RANBP9: variants seen among roughly 807,000 people sequenced by gnomAD.
RANBP9 encodes the protein ran-binding protein 9.
A neutral mutation model predicts 84.3 loss-of-function variants in RANBP9; 15 were observed. That is an observed-to-expected ratio of 0.18 (90% confidence interval 0.12 to 0.27). The LOEUF is 0.27. Ranked by LOEUF, RANBP9 falls within the 10% of genes least tolerant of loss-of-function variation. The pLI is 1.00. For missense variants in RANBP9, 809 were observed against 912.8 expected (o/e 0.89, Z 1.46); for synonymous variants, 392 against 349.6 (o/e 1.12, Z -1.35).
At chr6:13,709,041 C>T (rs1345918685) in intron 1 of RANBP9, among the ~76,000 whole-genome samples, 1 of 152,160 alleles carries the variant, frequency 6.6e-6, no homozygotes, top group East Asian at 1.9e-4. Flanking sequence ...TAGTATTACA[C>T]AACAGAAAGT....
rs543545603 is a variant in RANBP9 at position 13,683,474 on chromosome 6, A to G, written c.683+13311T>C. Among the ~76,000 whole-genome samples the G allele has an allele frequency of 2.6e-5, 4 of 152,292 alleles. No individual in the cohort carries two copies. The South Asian group carries it at 8.3e-4, about 32-fold the overall frequency. ...TCTTCCTGAATTTTCAATTAAATTT[A>G]TATTAAAGTGAAAGTATAAGAACTG... On this transcript the variant is annotated intron_variant, in intron 2 of 13. Coordinates refer to ENST00000011619, the MANE Select transcript of RANBP9 (RefSeq NM_005493.3).
intron 10 of RANBP9, among the ~76,000 whole-genome samples, chr6:13,637,166 CACTG>C (rs1178483357): frequency 6.6e-6 from 1 of 152,138 alleles, no homozygotes; most frequent in Non-Finnish European, 1.5e-5. Context: ...GGTCATAGTA[CACTG>C]ACTGAGATAT....
At chr6:13,688,470 C>T (rs533650895) in intron 2 of RANBP9, among the ~76,000 whole-genome samples, 2 of 152,226 alleles carry the variant, frequency 1.3e-5, no homozygotes, top group South Asian at 2.1e-4. Flanking sequence ...GTTTATATGT[C>T]TACTACTGTG....
At chr6:13,663,895 G>T (rs1354877460) in intron 2 of RANBP9, among the ~76,000 whole-genome samples, 2 of 151,966 alleles carry the variant, frequency 1.3e-5, no homozygotes, top group South Asian at 2.1e-4. Flanking sequence ...TCCTCAACCT[G>T]TACCTACAAA....
At chr6:13,690,987 T>G (rs908511221) in intron 2 of RANBP9, among the ~76,000 whole-genome samples, 14 of 151,976 alleles carry the variant, frequency 9.2e-5, no homozygotes, top group African/African-American at 3.4e-4. Context: ...GCCAACATGG[T>G]GAAACCCCAT....
chr6:13,711,114 G>T lies in RANBP9; in HGVS notation c.392C>A (p.Ala131Asp). 6.4e-7 allele frequency: 1 copy of T among 1,554,306 alleles called. No homozygotes were observed. The highest frequency in any genetic ancestry group is 8.7e-7 in the Non-Finnish European group (1 of 1,150,558). The change falls in exon 1 of 14, where the codon GCC becomes GAC. Residue 131 changes from alanine (A) to aspartate (D), a missense_variant. Around this residue, in one of 5 missense-constraint regions of RANBP9, gnomAD observed 302 missense variants for 240.1 expected, o/e 1.26. Coordinates refer to ENST00000011619, the MANE Select transcript of RANBP9 (RefSeq NM_005493.3). ...GGCCGAGTCCCCGTGAGGGAAGGGG[G>T]CCGCGGCGCTGCTGCCCGCCACCAG... The part of the protein sequence containing the change: ...PALVAGSSAA[A>D]PFPHGDSALN...
chr6:13,674,994 C>A (rs890018091), intron 2 of RANBP9, among the ~76,000 whole-genome samples: 1 of 152,122 alleles, frequency 6.6e-6, no homozygotes, highest in African/African-American at 2.4e-5. Context: ...CTGAGCCTAA[C>A]AACAAAGTGT....
intron 2 of RANBP9, among the ~76,000 whole-genome samples, chr6:13,663,155 A>G (rs1765571766): frequency 6.6e-6 from 1 of 152,110 alleles, no homozygotes; most frequent in Non-Finnish European, 1.5e-5. Context: ...AAAAAAGAAA[A>G]AAAGTGCAGA....
intron 2 of RANBP9, among the ~76,000 whole-genome samples, chr6:13,677,232 C>A (rs1765907868): frequency 6.6e-6 from 1 of 152,078 alleles, no homozygotes; most frequent in African/African-American, 2.4e-5. Context: ...GAATTTTAAA[C>A]ACACAATACC....
intron 4 of RANBP9, 69 bp from the exon 5 acceptor site, chr6:13,652,750 TCTAA>T: frequency 1.5e-6 from 2 of 1,348,256 alleles, no homozygotes; most frequent in Non-Finnish European, 2.1e-6. Flanking sequence ...AAGCTGAATT[TCTAA>T]CTAAAAGGAG....
Position 13,686,116 on chromosome 6 carries a change from G to A in RANBP9, c.683+10669C>T, listed in dbSNP as rs10456687. 4.3e-3 allele frequency among the ~76,000 whole-genome samples: 9 copies of A among 2,102 alleles called. 1 individual carries two copies. Among genetic ancestry groups the A allele is most frequent in the Non-Finnish European group, 8.4e-3 (8 of 948 alleles). 1.4% of individuals were successfully genotyped at this position (2,102 alleles called of 152,430 possible). On this transcript the variant is annotated intron_variant, in intron 2 of 13. Transcript: ENST00000011619. ...AAAATTTCTTCCCCCCCCCCCCCCC[G>A]CCCCCCGAAATAGAGTCTCACTCTG...
intron 2 of RANBP9, among the ~76,000 whole-genome samples, chr6:13,690,063 G>A (rs544684254): frequency 3.3e-5 from 5 of 151,926 alleles, no homozygotes; most frequent in Non-Finnish European, 7.4e-5. Flanking sequence ...AAAAAACATC[G>A]CCCAATGACT....
At chr6:13,672,283 T>G (rs1341962093) in intron 2 of RANBP9, among the ~76,000 whole-genome samples, 4 of 152,152 alleles carry the variant, frequency 2.6e-5, no homozygotes, top group Non-Finnish European at 5.9e-5. Flanking sequence ...GAAATTCTTT[T>G]GAAGGTCCGT....
At chr6:13,705,676 T>TAATAGAG (rs1758091154) in intron 1 of RANBP9, among the ~76,000 whole-genome samples, 1 of 149,940 alleles carries the variant, frequency 6.7e-6, no homozygotes, top group Non-Finnish European at 1.5e-5. Flanking sequence ...CCTGACTAAC[T>TAATAGAG]CGGTGAAACC....
At chr6:13,710,370 C>T (rs568901847) in intron 1 of RANBP9, among the ~76,000 whole-genome samples, 2 of 152,264 alleles carry the variant, frequency 1.3e-5, no homozygotes, top group East Asian at 1.9e-4. Flanking sequence ...CTCCCGGTTG[C>T]TTTTACTAAA....
chr6:13,679,997 A>C (rs1305716470), intron 2 of RANBP9, among the ~76,000 whole-genome samples: 1 of 152,186 alleles, frequency 6.6e-6, no homozygotes, highest in Non-Finnish European at 1.5e-5. Flanking sequence ...AATAAAGACA[A>C]GCTAATTGGA....
At chr6:13,697,068 T>C (rs759955678) in intron 1 of RANBP9, among the ~76,000 whole-genome samples, 172 bp from the exon 2 acceptor site, 4 of 152,164 alleles carry the variant, frequency 2.6e-5, no homozygotes, top group Non-Finnish European at 5.9e-5. Context: ...ATATGCAAAA[T>C]AGCCCAAGTT....
rs749756168 is a variant in RANBP9, at chr6:13,637,972, C to T, written c.1526-17G>A. ...TTTCAAAACCTGAAGAAAAAGATAC[C>T]ACGTAGAAACAGAAACAAACACTAA... On this transcript the variant is annotated splice_polypyrimidine_tract_variant and intron_variant, in intron 9 of 13. Coordinates refer to ENST00000011619, the MANE Select transcript of RANBP9 (RefSeq NM_005493.3). 1.9e-6 allele frequency: 3 copies of T among 1,574,858 alleles called. No homozygotes were observed. Among genetic ancestry groups the T allele is most frequent in the Admixed American group, 1.9e-5 (1 of 51,794 alleles).
chr6:13,696,758 C>T lies in RANBP9; in HGVS notation c.683+27G>A, dbSNP rs188993189. 763 of 1,555,340 alleles carry T rather than the reference C, an allele frequency of 4.9e-4. No homozygotes were observed. The African/African-American group carries it at 8.7e-3, about 18-fold the overall frequency. The stretch of plus-strand genomic sequence containing the variant: ...GAACCAAAACAAAAAAACTAGCAAA[C>T]GATTTTTCTCACCAAAATTTACTTA... On this transcript the variant is annotated intron_variant, in intron 2 of 13. Transcript: ENST00000011619.
Sources: gnomAD v4.1 joint callset for allele counts (sites outside exome capture counted in the v4.1 genomes callset) on GRCh38, gnomAD v4.1.1 for gene constraint, gnomAD v4.1.1 regional missense constraint, MANE v1.5 for transcripts, NCBI Gene and HGNC (gene_info 2026-07-23, HGNC 2026-07-21) for gene names.